Variants in BST1 observed in about 807,000 individuals in gnomAD.
BST1 encodes the protein bone marrow stromal cell antigen 1.
In BST1, 49 loss-of-function variants were observed where a neutral mutation model predicts 40.6. The observed-to-expected ratio is 1.21, with a 90% CI of 0.96 to 1.53. The LOEUF (loss-of-function observed/expected upper bound fraction) is 1.53. Among genes scored for constraint, BST1 ranks in the 40% most tolerant of loss-of-function variants. The pLI is 0.00. For missense variants in BST1, 423 were observed against 395.9 expected, an observed-to-expected ratio of 1.07 and a Z score of -0.58; for synonymous variants, 157 against 159.3, an observed-to-expected ratio of 0.99 and a Z score of 0.11.
exon 7 of BST1, chr4:15,737,980 T>G (rs1721631486): frequency 2.6e-6 from 1 of 380,654 alleles, no homozygotes; most frequent in South Asian, 2.0e-5. Flanking sequence ...CAGGATAAAA[T>G]GGACTCCCAA....
At chr4:15,772,695 T>A in the BST1 span, among the ~76,000 whole-genome samples, 1 of 152,212 alleles carries the variant, frequency 6.6e-6, no homozygotes, top group Non-Finnish European at 1.5e-5. Flanking sequence ...AGATCGAACC[T>A]AGCTTGGGAG....
chr4:15,774,159 G>C, the BST1 span, among the ~76,000 whole-genome samples: 1 of 152,170 alleles, frequency 6.6e-6, no homozygotes, highest in Admixed American at 6.5e-5. Flanking sequence ...GACAGAGTGA[G>C]AAGACAGCCA....
chr4:15,710,936 C>T (rs544511110), intron 3 of BST1, among the ~76,000 whole-genome samples: 5 of 152,128 alleles, frequency 3.3e-5, no homozygotes, highest in South Asian at 2.1e-4. Context: ...ACTACAGATG[C>T]GTGCCACCAT....
the BST1 span, among the ~76,000 whole-genome samples, chr4:15,763,444 C>A: frequency 2.0e-5 from 3 of 151,514 alleles, no homozygotes; most frequent in African/African-American, 7.3e-5. Flanking sequence ...TGTATTTTTT[C>A]TTTGTACGCT....
rs772217066 is a variant in BST1, at chr4:15,707,588, T to A, written c.393T>A (p.Asp131Glu). ...CCCGTCGTTTTATGCCCCTGAGCGATGTTCTGTATGGCAGGGTTGCAGATT... is the reference window on the plus strand; with the variant it reads ...CCCGTCGTTTTATGCCCCTGAGCGAAGTTCTGTATGGCAGGGTTGCAGATT... ...DNTRRFMPLS[D>E]VLYGRVADFL... The change falls in exon 3 of 9, where the codon GAT (aspartate) becomes GAA (glutamate). Residue 131 changes from aspartate (D) to glutamate (E), a missense_variant. Physicochemically the swap from Asp to Glu is conservative, Grantham distance 45 (BLOSUM62 2). Transcript: ENST00000265016. 6.2e-7 allele frequency: 1 copy of A among 1,614,138 alleles called. No individual in the cohort carries two copies. Among genetic ancestry groups the A allele is most frequent in the East Asian group, 2.2e-5 (1 of 44,888 alleles).
chr4:15,759,423 A>G, the BST1 span, among the ~76,000 whole-genome samples: 2 of 152,138 alleles, frequency 1.3e-5, no homozygotes, highest in African/African-American at 4.8e-5. Flanking sequence ...AACACTGTGT[A>G]TAGAAAGACC....
At chr4:15,705,735 T>C (rs1459517926) in intron 2 of BST1, 94 bp downstream of exon 2, 1 of 1,466,396 alleles carries the variant, frequency 6.8e-7, no homozygotes, top group Non-Finnish European at 9.5e-7. Context: ...GTCCCCTGCA[T>C]CCTGCAATGT....
At chr4:15,772,864 G>A in the BST1 span, among the ~76,000 whole-genome samples, 1 of 152,202 alleles carries the variant, frequency 6.6e-6, no homozygotes, top group African/African-American at 2.4e-5. Flanking sequence ...CAGCAGGAGT[G>A]GAGAAGCATA....
the BST1 span, among the ~76,000 whole-genome samples, chr4:15,749,940 T>C: frequency 5.9e-5 from 9 of 151,554 alleles, no homozygotes; most frequent in South Asian, 2.1e-4. Context: ...CTTTTCTTTT[T>C]TTTTTTTTTT....
At chr4:15,704,448 GGT>G (rs1719764116) in intron 1 of BST1, among the ~76,000 whole-genome samples, 1 of 147,758 alleles carries the variant, frequency 6.8e-6, no homozygotes, top group South Asian at 2.2e-4. Context: ...GTGTTCTAGA[GGT>G]GAGATGTGTG....
chr4:15,718,883 T>C, intron 6 of BST1, 24 bp from the exon 7 acceptor site: 2 of 1,600,936 alleles, frequency 1.2e-6, no homozygotes, highest in Non-Finnish European at 1.7e-6. Flanking sequence ...GCTTACTTTT[T>C]AATTATATAT....
chr4:15,703,228 C>A lies in BST1; in HGVS notation c.84C>A (p.Gly28=), dbSNP rs745979757. The part of the protein sequence containing the change: ...LLLLLLLLAA[G]GARARWRGEG... ...TTCTACTGTTGCTGCTGGCGGCGGG[C>A]GGGGCGCGCGCGCGGTGGCGCGGGG... is the stretch of plus-strand genomic sequence containing the variant. Residue 28 remains glycine (G), a synonymous_variant, in exon 1 of 9, where the codon GGC becomes GGA. Transcript: ENST00000265016. 1.3e-6 allele frequency: 2 copies of A among 1,545,770 alleles called. No homozygotes were observed. The highest frequency in any genetic ancestry group is 2.5e-5 in the East Asian group (1 of 40,758).
Position 15,705,660 on chromosome 4 carries a change from T to C in BST1, c.315+19T>C. The C allele has an allele frequency of 6.2e-7, 1 of 1,613,158 alleles. No homozygotes were observed. Among genetic ancestry groups the C allele is most frequent in the Non-Finnish European group, 8.5e-7 (1 of 1,179,192 alleles). ...AGATAAGGTAACACCACAACCATCT[T>C]GGGTAAAACTGTGTTCTCTGTCTCT... On this transcript the variant is annotated intron_variant, in intron 2 of 8. Transcript: ENST00000265016.
chr4:15,771,491 T>C, the BST1 span, among the ~76,000 whole-genome samples: 2 of 152,248 alleles, frequency 1.3e-5, no homozygotes, highest in African/African-American at 2.4e-5. Context: ...TAAGGGGCTA[T>C]AGGGTTCCTT....
In BST1 at chr4:15,703,164, C is replaced by T. The variant is rs370174845; in HGVS notation, c.20C>T (p.Ala7Val). 3.2e-6 allele frequency: 5 copies of T among 1,569,984 alleles called. No homozygotes were observed. The highest frequency in any genetic ancestry group is 2.7e-5 in the African/African-American group (2 of 73,530). The change falls in exon 1 of 9, where the codon GCG becomes GTG. Residue 7 changes from alanine (A) to valine (V), a missense_variant. Ala to Val is a moderately conservative substitution (Grantham distance 64, BLOSUM62 0). Coordinates refer to ENST00000265016, the MANE Select transcript of BST1 (RefSeq NM_004334.3). Reference sequence around the variant, plus strand: ...TCCCCGATGGCGGCCCAGGGGTGCGCGGCATCGCGGCTGCTCCAGCTGCTG... The same window carrying T: ...TCCCCGATGGCGGCCCAGGGGTGCGTGGCATCGCGGCTGCTCCAGCTGCTG... The part of the protein sequence containing the change: MAAQGC[A>V]ASRLLQLLLQ...
chr4:15,742,382 G>T (rs1286569351), downstream of BST1, among the ~76,000 whole-genome samples: 10 of 152,256 alleles, frequency 6.6e-5, no homozygotes, highest in East Asian at 1.9e-3. Context: ...CTCCCTCCTT[G>T]GCTTCCCCTA....
At chr4:15,705,689 G>C (rs1425451011) in intron 2 of BST1, 48 bp downstream of exon 2, 8 of 1,604,018 alleles carry the variant, frequency 5.0e-6, no homozygotes, top group Non-Finnish European at 3.4e-6. Flanking sequence ...TGTCTCTACA[G>C]AAATGGATGG....
At chr4:15,731,641 G>A (rs1721380581) in intron 8 of BST1, 99 bp from the exon 9 acceptor site, 5 of 1,453,116 alleles carry the variant, frequency 3.4e-6, no homozygotes, top group Non-Finnish European at 3.8e-6. Flanking sequence ...TTCTCGCTCC[G>A]CGCTAACCAG....
At chr4:15,704,009 A>G (rs1577562229) in intron 1 of BST1, among the ~76,000 whole-genome samples, 1 of 121,846 alleles carries the variant, frequency 8.2e-6, no homozygotes, top group Non-Finnish European at 1.7e-5. Context: ...TGTGTGTTCT[A>G]GAGGTGAGGG....
Sources: gnomAD v4.1 joint callset for allele counts (sites outside exome capture counted in the v4.1 genomes callset) on GRCh38, gnomAD v4.1.1 for gene constraint, MANE v1.5 for transcripts, NCBI Gene and HGNC (gene_info 2026-07-23, HGNC 2026-07-21) for gene names.